The following ASAP1 variants were observed in gnomAD, a reference collection of about 807,000 sequenced individuals.
ASAP1 encodes arf-GAP with SH3 domain, ANK repeat and PH domain-containing protein 1.
Under a neutral mutation model 145.2 loss-of-function variants are expected in ASAP1, and 43 were observed. The ratio of observed to expected loss-of-function variants is 0.30; its 90% CI spans 0.23 to 0.38. The LOEUF is 0.38. ASAP1 is among the 10% of genes least tolerant of loss of function. ASAP1 has a pLI of 1.00. For missense variants in ASAP1, 1,018 were observed against 1,355.3 expected, an observed-to-expected ratio of 0.75 and a Z score of 3.91; for synonymous variants, 546 against 515.5, an observed-to-expected ratio of 1.06 and a Z score of -0.80.
intron 3 of ASAP1, among the ~76,000 whole-genome samples, chr8:130,329,918 A>G (rs545785415): frequency 6.6e-6 from 1 of 152,316 alleles, no homozygotes; most frequent in South Asian, 2.1e-4. Context: ...TTTCTAGTCA[A>G]CACATCCAGC....
intron 4 of ASAP1, among the ~76,000 whole-genome samples, chr8:130,222,102 C>A (rs1457616481): frequency 6.6e-6 from 1 of 152,098 alleles, no homozygotes; most frequent in Non-Finnish European, 1.5e-5. Flanking sequence ...AGTTTATATC[C>A]CTAGGCGTTG....
intron 13 of ASAP1, among the ~76,000 whole-genome samples, chr8:130,139,016 G>C (rs186306784): frequency 6.6e-5 from 10 of 152,186 alleles, no homozygotes; most frequent in African/African-American, 1.7e-4. Context: ...AAATGACAAT[G>C]GCATATGACC....
At chr8:130,087,523 A>T (rs910632722) in intron 25 of ASAP1, among the ~76,000 whole-genome samples, 3 of 151,834 alleles carry the variant, frequency 2.0e-5, no homozygotes, top group African/African-American at 7.3e-5. Context: ...GTTTCGAAAT[A>T]AAAAAAAGAG....
At chr8:130,276,654 C>T (rs931063181) in intron 3 of ASAP1, among the ~76,000 whole-genome samples, 1 of 147,852 alleles carries the variant, frequency 6.8e-6, no homozygotes, top group African/African-American at 2.5e-5. Flanking sequence ...TTGGGATTTG[C>T]AGGCCAAACG....
intron 1 of ASAP1, among the ~76,000 whole-genome samples, chr8:130,420,928 C>T (rs1829695980): frequency 6.6e-6 from 1 of 151,822 alleles, no homozygotes; most frequent in African/African-American, 2.4e-5. Flanking sequence ...ATTCATTCCT[C>T]TTAACACAAA....
rs139641406 is a variant in ASAP1, at chr8:130,281,222, GAAAT to G, written c.187-44232_187-44229del. On this transcript the variant is annotated intron_variant, in intron 3 of 29. Transcript: ENST00000518721. ...TACCCCCTCACAAAGGATGCTGGGA[GAAAT>G]AAATAAACCTACAACTCAATAAAAT... Among the ~76,000 whole-genome samples, 754 of 152,264 alleles carry G rather than the reference GAAAT, an allele frequency of 5.0e-3. 4 individuals are homozygous for G. Among genetic ancestry groups the G allele is most frequent in the African/African-American group, 0.018 (731 of 41,542 alleles).
intron 3 of ASAP1, among the ~76,000 whole-genome samples, chr8:130,316,628 A>G (rs965319399): frequency 9.9e-5 from 15 of 152,252 alleles, no homozygotes; most frequent in African/African-American, 3.6e-4. Flanking sequence ...CATCTCAGAA[A>G]TGACAGCTGG....
intron 3 of ASAP1, among the ~76,000 whole-genome samples, chr8:130,319,584 C>T (rs1565204340): frequency 6.6e-6 from 1 of 152,202 alleles, no homozygotes; most frequent in Non-Finnish European, 1.5e-5. Context: ...GACACACTGG[C>T]ATCCACTGGT....
chr8:130,160,767 T>C (rs1256871866), intron 11 of ASAP1: 3 of 1,275,194 alleles, frequency 2.4e-6, no homozygotes, highest in East Asian at 5.6e-5. Flanking sequence ...TATATTCTCA[T>C]AAAAAGTATT....
intron 5 of ASAP1, among the ~76,000 whole-genome samples, chr8:130,191,312 G>C (rs1815124903): frequency 6.6e-6 from 1 of 152,152 alleles, no homozygotes; most frequent in African/African-American, 2.4e-5. Flanking sequence ...AGTAGGTGTG[G>C]AACCCAAGAC....
At chr8:130,227,262 T>G (rs975336824) in intron 4 of ASAP1, among the ~76,000 whole-genome samples, 4 of 140,954 alleles carry the variant, frequency 2.8e-5, no homozygotes, top group Non-Finnish European at 4.5e-5. Flanking sequence ...TTTTTTGTGG[T>G]TTTTTTTTGA....
At chr8:130,273,033 C>T (rs1312092892) in intron 3 of ASAP1, among the ~76,000 whole-genome samples, 6 of 152,094 alleles carry the variant, frequency 3.9e-5, no homozygotes, top group South Asian at 2.1e-4. Flanking sequence ...GACAAATACT[C>T]GAGGTGATGG....
intron 29 of ASAP1, among the ~76,000 whole-genome samples, chr8:130,056,335 C>CA (rs1474817495): frequency 2.0e-5 from 3 of 152,330 alleles, no homozygotes; most frequent in African/African-American, 7.2e-5. Context: ...ACTCTGCTGA[C>CA]AGAGGCTGGA....
chr8:130,269,935 G>A (rs914088346), intron 3 of ASAP1, among the ~76,000 whole-genome samples: 6 of 152,124 alleles, frequency 3.9e-5, no homozygotes, highest in Admixed American at 2.6e-4. Flanking sequence ...TTTGGGAGGC[G>A]AAGGCAGTTA....
intron 3 of ASAP1, among the ~76,000 whole-genome samples, chr8:130,356,408 A>G (rs1371180429): frequency 6.6e-6 from 1 of 152,226 alleles, no homozygotes; most frequent in Non-Finnish European, 1.5e-5. Flanking sequence ...AGGGGATGCA[A>G]AATGCTCCTG....
rs778456612 is a variant in ASAP1, at chr8:130,054,764, A to G, written c.3357T>C (p.Phe1119=). 3 of 1,613,738 alleles carry G rather than the reference A, an allele frequency of 1.9e-6. No individual in the cohort carries two copies. The Admixed American group carries it at 5.0e-5, about 27-fold the overall frequency. ...IEGQPERKGV[F]PVSFVHILSD ...ACAGGATATGAACAAAGGACACTGG[A>G]AAGACCCCCTTCCTTTCAGGCTGTC... The change falls in exon 30 of 30, where the codon TTT becomes TTC. Residue 1119 remains phenylalanine (F), a synonymous_variant. Transcript: ENST00000518721.
intron 3 of ASAP1, among the ~76,000 whole-genome samples, chr8:130,260,391 C>T (rs2136963476): frequency 6.6e-6 from 1 of 152,310 alleles, no homozygotes; most frequent in African/African-American, 2.4e-5. Context: ...CCACTTTTCT[C>T]TTAACAGCCA....
chr8:130,394,378 T>C (rs113861525), intron 2 of ASAP1, among the ~76,000 whole-genome samples: 2,753 of 152,262 alleles, frequency 0.018, 86 homozygotes, highest in African/African-American at 0.061. Context: ...CAGACTCCCA[T>C]AGCGCTCCCA....
At chr8:130,218,693 C>T (rs1362368318) in intron 4 of ASAP1, among the ~76,000 whole-genome samples, 1 of 152,036 alleles carries the variant, frequency 6.6e-6, no homozygotes, top group Non-Finnish European at 1.5e-5. Flanking sequence ...CATATTTCAC[C>T]CCCACTAGTT....
Sources: allele counts gnomAD v4.1 joint callset (sites outside exome capture counted in the v4.1 genomes callset), GRCh38; gene constraint gnomAD v4.1.1; transcripts MANE v1.5; gene names NCBI Gene and HGNC (gene_info 2026-07-23, HGNC 2026-07-21).